The following SCN11A variants were observed in gnomAD, a reference collection of about 807,000 sequenced individuals.
SCN11A encodes sodium channel protein type 11 subunit alpha.
SCN11A carries 122 observed loss-of-function variants against 162.2 expected under a neutral mutation model. That is an observed-to-expected ratio of 0.75 (90% CI 0.65 to 0.87). The LOEUF (loss-of-function observed/expected upper bound fraction) is 0.87. Among genes scored for constraint, SCN11A ranks in the 40% least tolerant of loss-of-function variants. The pLI is 0.00. For synonymous variants in SCN11A, 758 were observed against 751.5 expected (o/e 1.01, Z -0.14); for missense variants, 2,015 against 2,181.6 (o/e 0.92, Z 1.52).
At chr3:38,855,149 G>A (rs1210981061) in intron 28 of SCN11A, among the ~76,000 whole-genome samples, 2 of 152,216 alleles carry the variant, frequency 1.3e-5, no homozygotes, top group Admixed American at 6.5e-5. Flanking sequence ...TCCCTGAGTA[G>A]GCTGCCTGGA....
At chr3:38,990,502 G>A (rs2030418510) in intron 2 of SCN11A, among the ~76,000 whole-genome samples, 1 of 152,172 alleles carries the variant, frequency 6.6e-6, no homozygotes, top group Non-Finnish European at 1.5e-5. Flanking sequence ...AATTTAGATG[G>A]CATAATTAGC....
At chr3:38,958,789 G>A (rs1412287784) in intron 3 of SCN11A, among the ~76,000 whole-genome samples, 1 of 152,158 alleles carries the variant, frequency 6.6e-6, no homozygotes, top group East Asian at 1.9e-4. Flanking sequence ...TGTCTATGCT[G>A]TTCCAGGTGA....
chr3:39,037,189 T>C (rs2031924803), intron 1 of SCN11A, among the ~76,000 whole-genome samples: 1 of 152,190 alleles, frequency 6.6e-6, no homozygotes, highest in Non-Finnish European at 1.5e-5. Context: ...TGGATGGAAC[T>C]GGAGGACGTT....
At chr3:38,952,739 A>C (rs1045914689) in intron 4 of SCN11A, among the ~76,000 whole-genome samples, 4 of 152,220 alleles carry the variant, frequency 2.6e-5, no homozygotes, top group African/African-American at 9.6e-5. Context: ...TGAGACCTGA[A>C]GGAGATGTAA....
chr3:38,872,972 A>C (rs1489385155), intron 23 of SCN11A, among the ~76,000 whole-genome samples: 1 of 152,224 alleles, frequency 6.6e-6, no homozygotes, highest in Non-Finnish European at 1.5e-5. Context: ...ATTATTTGCT[A>C]ATATTTCCCC....
At chr3:38,902,856 A>T (rs1445011620) in intron 16 of SCN11A, among the ~76,000 whole-genome samples, 1 of 150,842 alleles carries the variant, frequency 6.6e-6, no homozygotes, top group Admixed American at 6.6e-5. Context: ...TTTTTTAAAG[A>T]CATGTAAAAA....
At chr3:38,930,052 C>A (rs1245828213) in intron 7 of SCN11A, among the ~76,000 whole-genome samples, 1 of 152,030 alleles carries the variant, frequency 6.6e-6, no homozygotes, top group South Asian at 2.1e-4. Flanking sequence ...AAAAAAAAAT[C>A]TCGTATCTTT....
chr3:38,852,822 C>G (rs1057048617), intron 28 of SCN11A, among the ~76,000 whole-genome samples: 4 of 152,336 alleles, frequency 2.6e-5, no homozygotes, highest in South Asian at 4.1e-4. Context: ...TAAGCCCAGA[C>G]TCAGGGACTT....
Position 38,846,638 on chromosome 3 carries a change from G to T in SCN11A, c.*56C>A. 1 of 1,421,574 alleles carries T rather than the reference G, an allele frequency of 7.0e-7. No individual in the cohort carries two copies. The highest frequency in any genetic ancestry group is 9.9e-7 in the Non-Finnish European group (1 of 1,014,660). 88.1% of individuals were successfully genotyped at this position (1,421,574 alleles called of 1,614,324 possible). On this transcript the variant is annotated 3_prime_UTR_variant, in exon 30 of 30. Transcript: ENST00000302328. ...ATACACTAAGCTGCTGACCCCTGGAGCTCAGAGGCTGAAGGCAAGGCTGTG... is the reference window on the plus strand; with the variant it reads ...ATACACTAAGCTGCTGACCCCTGGATCTCAGAGGCTGAAGGCAAGGCTGTG...
intron 11 of SCN11A, among the ~76,000 whole-genome samples, chr3:38,919,714 T>G (rs1443478578): frequency 6.6e-6 from 1 of 152,212 alleles, no homozygotes; most frequent in East Asian, 1.9e-4. Flanking sequence ...AGGTTTCTTA[T>G]AAGCTTCCAA....
intron 7 of SCN11A, among the ~76,000 whole-genome samples, chr3:38,930,212 A>G (rs4574212): frequency 0.89 from 135,591 of 152,164 alleles, 60,498 homozygotes; most frequent in South Asian, 0.92. Flanking sequence ...TCCAGTCATA[A>G]TAGCCCTGAA....
chr3:38,862,331 A>G (rs768264803), intron 28 of SCN11A, among the ~76,000 whole-genome samples: 10 of 152,120 alleles, frequency 6.6e-5, no homozygotes, highest in Non-Finnish European at 1.2e-4. Flanking sequence ...CCAGTATGGA[A>G]ATTCCTTAAA....
chr3:38,996,139 C>G (rs1209059393), intron 2 of SCN11A, among the ~76,000 whole-genome samples: 10 of 152,152 alleles, frequency 6.6e-5, no homozygotes, highest in Non-Finnish European at 1.5e-4. Context: ...ACTTCCCAGC[C>G]TCCAGAACTA....
At chr3:38,943,410 C>T (rs2066470170) in intron 7 of SCN11A, among the ~76,000 whole-genome samples, 1 of 151,938 alleles carries the variant, frequency 6.6e-6, no homozygotes, top group South Asian at 2.1e-4. Context: ...GTTTATATTG[C>T]ATAATTAAAT....
intron 23 of SCN11A, among the ~76,000 whole-genome samples, chr3:38,878,168 TAATA>T (rs71085341): frequency 4.9e-4 from 73 of 148,384 alleles, no homozygotes; most frequent in African/African-American, 1.7e-3. Context: ...TATTGAAATA[TAATA>T]AATAAATAAA....
chr3:39,013,940 T>C (rs977353702), intron 2 of SCN11A, among the ~76,000 whole-genome samples: 3 of 152,248 alleles, frequency 2.0e-5, no homozygotes, highest in African/African-American at 7.2e-5. Flanking sequence ...TTGGTTTAAA[T>C]ACACATAACA....
At chr3:38,950,962 T>C (rs1307615421) in intron 4 of SCN11A, among the ~76,000 whole-genome samples, 2 of 152,230 alleles carry the variant, frequency 1.3e-5, no homozygotes, top group Non-Finnish European at 2.9e-5. Flanking sequence ...ACTTCGACCC[T>C]AAGAAAGTGA....
intron 29 of SCN11A, among the ~76,000 whole-genome samples, chr3:38,848,479 T>G (rs1559483846): frequency 6.6e-6 from 1 of 152,142 alleles, no homozygotes; most frequent in African/African-American, 2.4e-5. Flanking sequence ...TTAGGGTTCA[T>G]GGGCAGCAGA....
chr3:38,870,674 G>C lies in SCN11A; in HGVS notation c.3813+17C>G. 6.2e-7 allele frequency: 1 copy of C among 1,609,278 alleles called. No individual in the cohort carries two copies. The highest frequency in any genetic ancestry group is 8.5e-7 in the Non-Finnish European group (1 of 1,175,724). On this transcript the variant is annotated intron_variant, in intron 26 of 29. Transcript: ENST00000302328. Reference sequence around the variant, plus strand: ...CTTGACCATAACACTCCAGAACATGGTAGAACACTGACTCACCTCTGTGGA... The same window carrying C: ...CTTGACCATAACACTCCAGAACATGCTAGAACACTGACTCACCTCTGTGGA...
Sources: gnomAD v4.1 joint callset for allele counts (sites outside exome capture counted in the v4.1 genomes callset) on GRCh38, gnomAD v4.1.1 for gene constraint, MANE v1.5 for transcripts, NCBI Gene and HGNC (gene_info 2026-07-23, HGNC 2026-07-21) for gene names.